The following SRFBP1 variants were observed in gnomAD, a reference collection of about 807,000 sequenced individuals.
SRFBP1 encodes serum response factor binding protein 1.
In SRFBP1, 47 loss-of-function variants were observed where a neutral mutation model predicts 45.5. The observed-to-expected ratio is 1.03, with a 90% CI of 0.82 to 1.32. The LOEUF (loss-of-function observed/expected upper bound fraction) is 1.32. SRFBP1 is among the 40% of genes most tolerant of loss of function. The pLI, the probability that SRFBP1 is intolerant of heterozygous loss-of-function variation, is 0.00. For synonymous variants in SRFBP1, 203 were observed against 166.3 expected (o/e 1.22, Z -1.70); for missense variants, 621 against 484.6 (o/e 1.28, Z -2.64).
chr5:121,992,777 T>A (rs554577129), intron 3 of SRFBP1, among the ~76,000 whole-genome samples: 1 of 152,260 alleles, frequency 6.6e-6, no homozygotes, highest in Admixed American at 6.5e-5. Flanking sequence ...GGTATTATAT[T>A]CCTAAATTAT....
At chr5:122,006,741 A>G (rs1752982785) in intron 4 of SRFBP1, among the ~76,000 whole-genome samples, 1 of 150,620 alleles carries the variant, frequency 6.6e-6, no homozygotes, top group South Asian at 2.1e-4. Flanking sequence ...TAAATTTTTC[A>G]TATATGTAAT....
At chr5:122,042,347 G>A (rs1237957877) in intron 2 of SRFBP1, among the ~76,000 whole-genome samples, 1 of 152,042 alleles carries the variant, frequency 6.6e-6, no homozygotes, top group Non-Finnish European at 1.5e-5. Context: ...GCTCACTGCA[G>A]CCTTGAGCTC....
intron 4 of SRFBP1, among the ~76,000 whole-genome samples, chr5:121,995,271 T>C (rs1580513768): frequency 6.6e-6 from 1 of 151,530 alleles, no homozygotes; most frequent in Non-Finnish European, 1.5e-5. Context: ...GAAGTAAAGC[T>C]CTCCTCAGCA....
At chr5:122,018,336 GGTGATTTA>G (rs1316199004) in intron 4 of SRFBP1, among the ~76,000 whole-genome samples, 1 of 152,184 alleles carries the variant, frequency 6.6e-6, no homozygotes, top group Non-Finnish European at 1.5e-5. Context: ...GAGAGGTGTT[GGTGATTTA>G]GTCAAAGGTA....
chr5:121,962,682 C>T (rs1751975377), intron 1 of SRFBP1, among the ~76,000 whole-genome samples: 2 of 152,322 alleles, frequency 1.3e-5, no homozygotes, highest in Admixed American at 1.3e-4. Flanking sequence ...GTTCTCACCA[C>T]CGTCACTTCC....
At chr5:122,023,314 C>T (rs1002132619) in intron 7 of SRFBP1, among the ~76,000 whole-genome samples, 1 of 152,152 alleles carries the variant, frequency 6.6e-6, no homozygotes, top group African/African-American at 2.4e-5. Flanking sequence ...CCAAGGCAGC[C>T]AACCCAAAGT....
rs189642466 is a variant in SRFBP1 at position 122,020,811 on chromosome 5, C to T, written c.1067+9C>T. 0.012 allele frequency: 18,077 copies of T among 1,529,314 alleles called. 128 individuals carry two copies. Among genetic ancestry groups the T allele is most frequent in the Non-Finnish European group, 0.013 (15,402 of 1,143,720 alleles). 94.7% of individuals were successfully genotyped at this position (1,529,314 alleles called of 1,614,324 possible). A position where few individuals can be genotyped will look rare whatever the true frequency, so the allele number is the denominator to read the frequency against. ...TCTAAAAGCTCTAGAAGGTAAGATT[C>T]TTTTTCTATTCTGAAATAATCATTA... is the stretch of plus-strand genomic sequence containing the variant. On this transcript the variant is annotated intron_variant, in intron 6 of 7. Coordinates refer to ENST00000339397, the MANE Select transcript of SRFBP1 (RefSeq NM_152546.3).
intron 3 of SRFBP1, among the ~76,000 whole-genome samples, chr5:121,992,311 A>G (rs1451576070): frequency 1.3e-5 from 2 of 151,922 alleles, no homozygotes; most frequent in African/African-American, 4.8e-5. Context: ...GGCAAGCAGC[A>G]TAGCATCTTC....
intron 3 of SRFBP1, among the ~76,000 whole-genome samples, chr5:121,983,418 A>G (rs948417889): frequency 6.6e-6 from 1 of 151,702 alleles, no homozygotes; most frequent in Non-Finnish European, 1.5e-5. Context: ...AACAATTTTG[A>G]TGTTTTTATT....
chr5:122,000,784 T>A (rs572157262), intron 4 of SRFBP1, among the ~76,000 whole-genome samples: 267 of 152,270 alleles, frequency 1.8e-3, no homozygotes, highest in African/African-American at 6.2e-3. Flanking sequence ...ACTCTCCAGA[T>A]AGGAACCAGA....
At chr5:121,988,309 A>G (rs1020206926) in intron 3 of SRFBP1, among the ~76,000 whole-genome samples, 1 of 152,178 alleles carries the variant, frequency 6.6e-6, no homozygotes, top group Admixed American at 6.5e-5. Flanking sequence ...CTTCTATAAA[A>G]TGAGTGGGTC....
intron 4 of SRFBP1, among the ~76,000 whole-genome samples, chr5:122,011,397 A>C (rs143441627): frequency 2.6e-5 from 4 of 152,118 alleles, no homozygotes; most frequent in African/African-American, 9.6e-5. Context: ...CATTATGTCA[A>C]CTTTAAATAA....
chr5:122,052,909 G>T (rs1754014745), intron 2 of SRFBP1, among the ~76,000 whole-genome samples: 2 of 152,064 alleles, frequency 1.3e-5, no homozygotes, highest in Non-Finnish European at 2.9e-5. Context: ...CCTTTCGATG[G>T]ATTTTTTTGC....
intron 4 of SRFBP1, among the ~76,000 whole-genome samples, chr5:121,995,923 T>A (rs962340789): frequency 9.9e-5 from 15 of 152,094 alleles, no homozygotes; most frequent in African/African-American, 3.6e-4. Flanking sequence ...AAGAAATGGA[T>A]AAATTCCTCG....
intron 2 of SRFBP1, among the ~76,000 whole-genome samples, chr5:122,041,702 G>T (rs1753775552): frequency 6.6e-6 from 1 of 151,918 alleles, no homozygotes; most frequent in South Asian, 2.1e-4. Flanking sequence ...ATTTTTAATA[G>T]TTTCTCTGTT....
At chr5:122,019,379 TA>T in intron 5 of SRFBP1, 38 bp downstream of exon 5, 1 of 1,512,588 alleles carries the variant, frequency 6.6e-7, no homozygotes, top group South Asian at 1.2e-5. Context: ...GTACTTAATG[TA>T]TTTGTAGACT....
In SRFBP1 at chr5:121,996,122, C is replaced by G. The variant is rs925358991; in HGVS notation, c.270+1452C>G. Reference sequence around the variant, plus strand: ...GGTACCATTCCTTCTGAAACTATTCCAATCAATAGAAAAAGAGGGAATCCT... The same window carrying G: ...GGTACCATTCCTTCTGAAACTATTCGAATCAATAGAAAAAGAGGGAATCCT... On this transcript the variant is annotated intron_variant, in intron 4 of 7. Coordinates refer to ENST00000339397, the MANE Select transcript of SRFBP1 (RefSeq NM_152546.3). Among the ~76,000 whole-genome samples, 10 of 147,796 alleles carry G rather than the reference C, an allele frequency of 6.8e-5. No individual in the cohort carries two copies. The East Asian group carries it at 1.8e-3, about 27-fold the overall frequency.
chr5:121,979,397 A>G (rs752661245), intron 3 of SRFBP1, among the ~76,000 whole-genome samples: 4 of 152,066 alleles, frequency 2.6e-5, no homozygotes, highest in Admixed American at 6.5e-5. Flanking sequence ...TTTTTTTCCT[A>G]TGAATGCTTA....
intron 2 of SRFBP1, among the ~76,000 whole-genome samples, chr5:122,044,771 G>A (rs1248800072): frequency 1.3e-5 from 2 of 152,006 alleles, no homozygotes; most frequent in Admixed American, 6.6e-5. Context: ...TTTGTTGGAT[G>A]CATTGTTTGT....
Sources: gnomAD v4.1 joint callset for allele counts (sites outside exome capture counted in the v4.1 genomes callset) on GRCh38, gnomAD v4.1.1 for gene constraint, MANE v1.5 for transcripts, NCBI Gene and HGNC (gene_info 2026-07-23, HGNC 2026-07-21) for gene names.